ERBIN: variants seen among roughly 807,000 people sequenced by gnomAD.
The protein encoded by ERBIN is densin-180-like protein.
ERBIN carries 60 observed loss-of-function variants against 158.4 expected under a neutral mutation model. The observed-to-expected ratio is 0.38, with a 90% confidence interval of 0.31 to 0.47. ERBIN has a LOEUF of 0.47. ERBIN is among the 20% of genes least tolerant of loss of function. ERBIN has a pLI of 0.99. For missense variants in ERBIN, 1,610 were observed against 1,648.0 expected (o/e 0.98, Z 0.40); for synonymous variants, 594 against 557.2 (o/e 1.07, Z -0.93).
At chr5:65,944,495 C>G (rs1042300112) in intron 1 of ERBIN, among the ~76,000 whole-genome samples, 1 of 152,046 alleles carries the variant, frequency 6.6e-6, no homozygotes, top group African/African-American at 2.4e-5. Context: ...TCCTCTTCCT[C>G]CCATGCTCAA....
In ERBIN at chr5:66,048,733, A is replaced by G. The variant is rs1758717326; in HGVS notation, c.1855A>G (p.Thr619Ala). The stretch of plus-strand genomic sequence containing the variant: ...GGAGATGCGACCACCATTAATTGAA[A>G]CCTCTATTAACCAGCCAAAAGTCGT... ...MAEMRPPLIE[T>A]SINQPKVVAL... The change falls in exon 19 of 26, where the codon ACC (threonine) becomes GCC (alanine). Residue 619 changes from threonine (T) to alanine (A), a missense_variant. Transcript: ENST00000284037. 2 of 1,607,674 alleles carry G rather than the reference A, an allele frequency of 1.2e-6. No individual in the cohort carries two copies. The highest frequency in any genetic ancestry group is 1.3e-5 in the African/African-American group (1 of 74,738).
intron 15 of ERBIN, among the ~76,000 whole-genome samples, chr5:66,042,720 GT>G (rs1758034075): frequency 6.6e-6 from 1 of 152,006 alleles, no homozygotes; most frequent in Non-Finnish European, 1.5e-5. Context: ...TATGTATAAT[GT>G]TTAATACAGT....
chr5:66,078,317 G>A, intron 25 of ERBIN, 106 bp from the exon 26 acceptor site: 1 of 719,700 alleles, frequency 1.4e-6, no homozygotes, highest in Non-Finnish European at 2.3e-6. Context: ...GTTATTTTAA[G>A]TTGCCAAAGT....
chr5:65,928,352 G>T (rs1742935463), intron 1 of ERBIN, among the ~76,000 whole-genome samples: 1 of 151,856 alleles, frequency 6.6e-6, no homozygotes, highest in Non-Finnish European at 1.5e-5. Flanking sequence ...TCTACTTTAT[G>T]ATTTTGGAAC....
intron 15 of ERBIN, among the ~76,000 whole-genome samples, chr5:66,041,032 TG>T (rs1405420553): frequency 6.6e-6 from 1 of 151,950 alleles, no homozygotes; most frequent in African/African-American, 2.4e-5. Flanking sequence ...AATATGAGTC[TG>T]AGGGTTTTTA....
chr5:65,999,376 T>G (rs564244429), intron 4 of ERBIN, among the ~76,000 whole-genome samples: 1 of 152,124 alleles, frequency 6.6e-6, no homozygotes, highest in South Asian at 2.1e-4. Context: ...AATAAATAAA[T>G]AAAAACAAAA....
At position 66,053,390 on chromosome 5, in the gene ERBIN, ATTATCT is replaced by A. The variant is rs773360005; in HGVS notation, c.2088-11_2088-6del. 2.1e-6 allele frequency: 3 copies of A among 1,397,298 alleles called. No homozygotes were observed. The highest frequency in any genetic ancestry group is 1.9e-4 in the Middle Eastern group (1 of 5,284). 86.6% of individuals were successfully genotyped at this position (1,397,298 alleles called of 1,614,324 possible). ...TCGGCTTTATTATGTTTTTCATAAA[ATTATCT>A]TTATTTTAGGCAAGAAGATGAAAAT... is the stretch of plus-strand genomic sequence containing the variant. On this transcript the variant is annotated splice_polypyrimidine_tract_variant and intron_variant, in intron 20 of 25. Coordinates refer to ENST00000284037, the MANE Select transcript of ERBIN (RefSeq NM_001253697.2).
At chr5:66,006,396 G>A (rs1345665742) in intron 4 of ERBIN, among the ~76,000 whole-genome samples, 2 of 152,128 alleles carry the variant, frequency 1.3e-5, no homozygotes, top group Non-Finnish European at 2.9e-5. Flanking sequence ...ATTAATTCAC[G>A]ATGGATTAAA....
At chr5:66,026,657 A>G (rs771917588) in intron 13 of ERBIN, among the ~76,000 whole-genome samples, 4 of 151,994 alleles carry the variant, frequency 2.6e-5, no homozygotes, top group Admixed American at 2.6e-4. Flanking sequence ...AACCTGCCAT[A>G]CACAGTTTTG....
chr5:66,051,060 A>G, intron 20 of ERBIN, 94 bp downstream of exon 20: 5 of 750,412 alleles, frequency 6.7e-6, no homozygotes, highest in Non-Finnish European at 8.3e-6. Flanking sequence ...TTTAATAAAT[A>G]TTATAGAAGT....
At chr5:65,990,222 T>C (rs1751711301) in intron 2 of ERBIN, among the ~76,000 whole-genome samples, 2 of 152,216 alleles carry the variant, frequency 1.3e-5, no homozygotes, top group African/African-American at 4.8e-5. Context: ...TGCATTATTA[T>C]ATATTGAGAA....
chr5:66,073,451 CTCCAACCAATATAAG>C (rs1316299893), intron 22 of ERBIN, among the ~76,000 whole-genome samples: 1 of 152,126 alleles, frequency 6.6e-6, no homozygotes, highest in Non-Finnish European at 1.5e-5. Context: ...TTTTCCTTCT[CTCCAACCAATATAAG>C]ATTTGTCAGT....
At chr5:66,046,617 T>A in intron 18 of ERBIN, 79 bp downstream of exon 18, 1 of 1,170,166 alleles carries the variant, frequency 8.5e-7, no homozygotes, top group South Asian at 2.1e-5. Context: ...AAAGACCTGA[T>A]ACTGATTGTA....
chr5:65,945,729 ATC>A (rs1235536347), intron 1 of ERBIN, among the ~76,000 whole-genome samples: 1 of 152,218 alleles, frequency 6.6e-6, no homozygotes, highest in Non-Finnish European at 1.5e-5. Flanking sequence ...TAAAATTCAG[ATC>A]TCTCTACTAC....
chr5:66,079,013 A>G lies in ERBIN; in HGVS notation c.*483A>G, dbSNP rs143496034. On this transcript the variant is annotated 3_prime_UTR_variant, in exon 26 of 26. Transcript: ENST00000284037. ...GAGATTTGAAGTGTTGGCTTTTGCT[A>G]TGTGCATATTGAATTGAAGAGTGAG... The G allele has an allele frequency of 5.0e-3, 787 of 157,582 alleles. 2 individuals are homozygous for G. The highest frequency in any genetic ancestry group is 8.4e-3 in the Non-Finnish European group (598 of 71,436). 9.8% of individuals were successfully genotyped at this position (157,582 alleles called of 1,614,324 possible). A position where few individuals can be genotyped will look rare whatever the true frequency, so the allele number is the denominator to read the frequency against.
chr5:66,061,354 A>G (rs1327130926), intron 21 of ERBIN, among the ~76,000 whole-genome samples: 1 of 152,002 alleles, frequency 6.6e-6, no homozygotes, highest in African/African-American at 2.4e-5. Context: ...ATCGGAGACT[A>G]GGATTGCAAC....
chr5:65,948,772 T>TTTG (rs1463000709), intron 1 of ERBIN, among the ~76,000 whole-genome samples: 1 of 136,624 alleles, frequency 7.3e-6, no homozygotes, highest in Non-Finnish European at 1.6e-5. Context: ...GTTTTTTTTT[T>TTTG]TTTTTTTTTG....
At chr5:65,999,810 C>T (rs1393565716) in intron 4 of ERBIN, among the ~76,000 whole-genome samples, 4 of 152,108 alleles carry the variant, frequency 2.6e-5, no homozygotes, top group Non-Finnish European at 4.4e-5. Flanking sequence ...GTTTCCATCC[C>T]TAGTACTTAG....
chr5:65,980,151 C>T (rs974716419), intron 1 of ERBIN, among the ~76,000 whole-genome samples: 1 of 152,150 alleles, frequency 6.6e-6, no homozygotes, highest in Non-Finnish European at 1.5e-5. Context: ...TGTGGTGGCT[C>T]ACACCTGTAA....
Sources: gnomAD v4.1 joint callset for allele counts (sites outside exome capture counted in the v4.1 genomes callset) on GRCh38, gnomAD v4.1.1 for gene constraint, MANE v1.5 for transcripts, NCBI Gene and HGNC (gene_info 2026-07-23, HGNC 2026-07-21) for gene names.